PBX1: variants seen among roughly 807,000 people sequenced by gnomAD.
PBX1 encodes the protein pre-B-cell leukemia transcription factor 1.
PBX1 carries 6 observed loss-of-function variants against 53.4 expected under a neutral mutation model. The observed-to-expected ratio is 0.11, with a 90% confidence interval of 0.06 to 0.22. The LOEUF (loss-of-function observed/expected upper bound fraction) is 0.22, where lower values mean the gene tolerates loss of function less well. Ranked by LOEUF, PBX1 falls within the 10% of genes least tolerant of loss-of-function variation. The pLI is 1.00. For missense variants in PBX1, 251 were observed against 551.4 expected, an observed-to-expected ratio of 0.46 and a Z score of 5.46; for synonymous variants, 204 against 212.3, an observed-to-expected ratio of 0.96 and a Z score of 0.34.
At chr1:164,691,650 C>CT (rs1259468270) in intron 2 of PBX1, among the ~76,000 whole-genome samples, 2 of 152,148 alleles carry the variant, frequency 1.3e-5, no homozygotes, top group East Asian at 3.9e-4. Flanking sequence ...GCAACCTTGG[C>CT]TTTTCTCAAG....
chr1:164,707,457 A>AGAGAGAGAGAGAGAGAGAG (rs1663502602), intron 2 of PBX1, among the ~76,000 whole-genome samples: 1 of 100,944 alleles, frequency 9.9e-6, no homozygotes, highest in African/African-American at 4.5e-5. Context: ...GAGAGAGAGA[A>AGAGAGAGAGAGAGAGAGAG]AGTGCTGAAT....
At chr1:164,800,691 G>T (rs1368608324) in intron 4 of PBX1, among the ~76,000 whole-genome samples, 3 of 152,108 alleles carry the variant, frequency 2.0e-5, no homozygotes, top group African/African-American at 7.2e-5. Flanking sequence ...ATCTACTCTA[G>T]AAGAATATTT....
chr1:164,652,278 T>G (rs2800778), intron 2 of PBX1: 139,649 of 152,124 alleles, frequency 0.92, 65,327 homozygotes, highest in East Asian at 1. Flanking sequence ...GGACGGTCTC[T>G]ATCTCCTGAC....
intron 2 of PBX1, among the ~76,000 whole-genome samples, chr1:164,649,503 GT>G (rs1025774222): frequency 4.6e-5 from 7 of 152,224 alleles, no homozygotes; most frequent in Middle Eastern, 3.4e-3. Context: ...AAATCTATCA[GT>G]TTTTTCCCCC....
In PBX1 at chr1:164,669,286, A is replaced by G. The variant is rs974946248; in HGVS notation, c.265+105975A>G. On this transcript the variant is annotated intron_variant, in intron 2 of 8. Coordinates refer to ENST00000420696, the MANE Select transcript of PBX1 (RefSeq NM_002585.4). ...CCTTACTGAGAGAGAATGATACAACAGACGTCTGTCTTATTGATATAGCTC... is the reference window on the plus strand; with the variant it reads ...CCTTACTGAGAGAGAATGATACAACGGACGTCTGTCTTATTGATATAGCTC... Among the ~76,000 whole-genome samples, 3 of 152,188 alleles carry G rather than the reference A, an allele frequency of 2.0e-5. No individual in the cohort carries two copies. In the East Asian group the frequency reaches 5.8e-4, roughly 29 times the overall value.
intron 2 of PBX1, among the ~76,000 whole-genome samples, chr1:164,689,300 T>C (rs562252183): frequency 1.3e-3 from 195 of 152,338 alleles, no homozygotes; most frequent in Admixed American, 1.8e-3. Flanking sequence ...AAGGTTTTTT[T>C]TTCTTTTTCT....
At chr1:164,757,507 G>A (rs1666590980) in intron 2 of PBX1, among the ~76,000 whole-genome samples, 1 of 152,124 alleles carries the variant, frequency 6.6e-6, no homozygotes, top group South Asian at 2.1e-4. Flanking sequence ...CAACCCCAAA[G>A]TAATGTTTTA....
chr1:164,606,422 G>A (rs10399765), intron 2 of PBX1, among the ~76,000 whole-genome samples: 3,966 of 152,166 alleles, frequency 0.026, 175 homozygotes, highest in African/African-American at 0.09. Flanking sequence ...CCTGGGAGGC[G>A]GAGGTTGCAG....
chr1:164,786,288 A>G (rs1367622506), intron 2 of PBX1, among the ~76,000 whole-genome samples: 1 of 152,206 alleles, frequency 6.6e-6, no homozygotes, highest in Admixed American at 6.5e-5. Flanking sequence ...AGGAGTTCAC[A>G]GTCTTGCTGG....
intron 2 of PBX1, among the ~76,000 whole-genome samples, chr1:164,774,838 C>G (rs1334784775): frequency 6.6e-6 from 1 of 152,154 alleles, no homozygotes; most frequent in Non-Finnish European, 1.5e-5. Flanking sequence ...CACATCGTGC[C>G]AACAACCCAT....
intron 2 of PBX1, among the ~76,000 whole-genome samples, chr1:164,633,427 G>A (rs942463165): frequency 9.2e-5 from 14 of 152,202 alleles, no homozygotes; most frequent in Admixed American, 8.5e-4. Context: ...TAGGATTACA[G>A]GCGTGAGCCA....
intron 2 of PBX1, among the ~76,000 whole-genome samples, chr1:164,711,579 C>T (rs1663782188): frequency 6.6e-6 from 1 of 152,144 alleles, no homozygotes; most frequent in Non-Finnish European, 1.5e-5. Flanking sequence ...CTCTTTTTGT[C>T]GTGTCTACCT....
At chr1:164,569,406 T>C (rs1571235995) in intron 2 of PBX1, among the ~76,000 whole-genome samples, 1 of 152,244 alleles carries the variant, frequency 6.6e-6, no homozygotes, top group East Asian at 1.9e-4. Flanking sequence ...AGTCAATAGC[T>C]GCTAGCTGTT....
chr1:164,806,593 G>A (rs1006757433), intron 4 of PBX1, among the ~76,000 whole-genome samples: 3 of 152,220 alleles, frequency 2.0e-5, no homozygotes, highest in African/African-American at 7.2e-5. Flanking sequence ...TTGTATAGAA[G>A]AGAGAGATTG....
intron 2 of PBX1, among the ~76,000 whole-genome samples, chr1:164,643,721 C>A (rs1341842534): frequency 6.6e-6 from 1 of 152,140 alleles, no homozygotes; most frequent in African/African-American, 2.4e-5. Flanking sequence ...CAGATTCTTA[C>A]AAATAGCCAA....
chr1:164,793,872 C>CTTTTTTTTTTTTTTTTTTTTTTTTT (rs72414989), intron 3 of PBX1, among the ~76,000 whole-genome samples: 7 of 78,218 alleles, frequency 8.9e-5, no homozygotes, highest in Admixed American at 1.5e-4. Context: ...TTTTTCCTTT[C>CTTTTTTTTTTTTTTTTTTTTTTTTT]TTTTTTTTTT....
intron 2 of PBX1, among the ~76,000 whole-genome samples, chr1:164,619,707 A>T (rs2101848654): frequency 6.6e-6 from 1 of 152,060 alleles, no homozygotes; most frequent in East Asian, 1.9e-4. Flanking sequence ...TCCCCATGGA[A>T]TTTCAGGAAG....
chr1:164,863,377 A>G (rs2102444933), intron 2 of PBX1, among the ~76,000 whole-genome samples: 1 of 152,268 alleles, frequency 6.6e-6, no homozygotes. Flanking sequence ...TCCTCTAATC[A>G]ACACATGTTT....
At chr1:164,600,246 C>CTTTTTTT (rs71097539) in intron 2 of PBX1, among the ~76,000 whole-genome samples, 12 of 121,874 alleles carry the variant, frequency 9.8e-5, no homozygotes, top group Non-Finnish European at 1.5e-4. Flanking sequence ...TATGCTGCTG[C>CTTTTTTT]TTTTTTTTTT....
Sources: gnomAD v4.1 joint callset for allele counts (sites outside exome capture counted in the v4.1 genomes callset) on GRCh38, gnomAD v4.1.1 for gene constraint, MANE v1.5 for transcripts, NCBI Gene and HGNC (gene_info 2026-07-23, HGNC 2026-07-21) for gene names.